Variants in SLC2A9 observed in about 807,000 individuals in gnomAD.
SLC2A9 encodes solute carrier family 2, facilitated glucose transporter member 9.
SLC2A9 carries 39 observed loss-of-function variants against 50.6 expected under a neutral mutation model. That is an observed-to-expected ratio of 0.77 (90% CI 0.60 to 1.01). SLC2A9 has a LOEUF of 1.01. Among genes scored for constraint, SLC2A9 ranks in the 50% least tolerant of loss-of-function variants. The pLI, the probability that SLC2A9 is intolerant of heterozygous loss-of-function variation, is 0.00. For missense variants in SLC2A9, 686 were observed against 677.6 expected (o/e 1.01, Z -0.14); for synonymous variants, 324 against 276.9 (o/e 1.17, Z -1.69).
At chr4:9,956,309 C>G (rs566097190) in intron 5 of SLC2A9, among the ~76,000 whole-genome samples, 3 of 144,642 alleles carry the variant, frequency 2.1e-5, no homozygotes, top group Non-Finnish European at 3.0e-5. Flanking sequence ...TGGTGAAACC[C>G]CATGTCTACT....
At chr4:9,997,203 G>A (rs553068846) in intron 2 of SLC2A9, among the ~76,000 whole-genome samples, 3 of 152,108 alleles carry the variant, frequency 2.0e-5, no homozygotes, top group Admixed American at 6.5e-5. Context: ...CTATCCCAAG[G>A]TACTTTTTTT....
chr4:10,013,959 T>C (rs759586716), intron 2 of SLC2A9, among the ~76,000 whole-genome samples: 3 of 152,128 alleles, frequency 2.0e-5, no homozygotes, highest in Non-Finnish European at 4.4e-5. Flanking sequence ...TTGTTCATCA[T>C]CTCTGTGAGC....
At chr4:9,836,878 A>G (rs1727198035) in intron 10 of SLC2A9, among the ~76,000 whole-genome samples, 1 of 152,186 alleles carries the variant, frequency 6.6e-6, no homozygotes, top group Non-Finnish European at 1.5e-5. Flanking sequence ...TTTGGAGACA[A>G]TTGCTCCATT....
chr4:9,937,870 C>T (rs779164605), intron 6 of SLC2A9, among the ~76,000 whole-genome samples: 1 of 152,144 alleles, frequency 6.6e-6, no homozygotes, highest in Non-Finnish European at 1.5e-5. Context: ...TCTGTTGCCC[C>T]TCCCTCAGCA....
chr4:10,011,841 C>G (rs577510477), intron 2 of SLC2A9, among the ~76,000 whole-genome samples: 40 of 152,202 alleles, frequency 2.6e-4, no homozygotes, highest in Non-Finnish European at 5.4e-4. Context: ...TATTTAGATG[C>G]TATGCAGCAT....
chr4:9,864,065 C>G (rs1048602420), intron 10 of SLC2A9, among the ~76,000 whole-genome samples: 12 of 152,016 alleles, frequency 7.9e-5, no homozygotes, highest in Admixed American at 5.2e-4. Flanking sequence ...TGTGGCTTCC[C>G]AAGACCATGC....
chr4:9,909,109 T>C (rs749038211), intron 7 of SLC2A9, among the ~76,000 whole-genome samples: 27 of 152,094 alleles, frequency 1.8e-4, no homozygotes, highest in Admixed American at 3.3e-4. Context: ...GCATACAAGG[T>C]GAAAGATGTT....
At chr4:10,003,107 T>C (rs528663494) in intron 2 of SLC2A9, among the ~76,000 whole-genome samples, 32 of 152,284 alleles carry the variant, frequency 2.1e-4, no homozygotes, top group Non-Finnish European at 3.2e-4. Flanking sequence ...GTAATGAGTA[T>C]CCAGGACTTC....
intron 11 of SLC2A9, 89 bp downstream of exon 11, chr4:9,834,788 GGAGA>G (rs1726748085): frequency 6.4e-7 from 1 of 1,572,054 alleles, no homozygotes; most frequent in African/African-American, 1.4e-5. Context: ...CCAGTTGAGA[GGAGA>G]GAGATCAACT....
At chr4:9,970,155 A>C (rs1428315213) in intron 5 of SLC2A9, among the ~76,000 whole-genome samples, 1 of 152,178 alleles carries the variant, frequency 6.6e-6, no homozygotes, top group African/African-American at 2.4e-5. Flanking sequence ...AATATAGGCC[A>C]TGGGGGATGG....
intron 3 of SLC2A9, among the ~76,000 whole-genome samples, chr4:9,804,893 AG>A (rs1168245825): frequency 6.6e-5 from 10 of 152,130 alleles, no homozygotes; most frequent in African/African-American, 2.4e-4. Flanking sequence ...TAGTTGGAAG[AG>A]CTGAGAGGGC....
chr4:9,778,509 G>A (rs192011897), downstream of SLC2A9, among the ~76,000 whole-genome samples: 44 of 152,184 alleles, frequency 2.9e-4, no homozygotes, highest in East Asian at 4.5e-3. Flanking sequence ...CCCCCAGATC[G>A]TAGTTCCCTC....
intron 5 of SLC2A9, among the ~76,000 whole-genome samples, chr4:9,947,146 T>C (rs1001221979): frequency 1.3e-5 from 2 of 152,168 alleles, no homozygotes; most frequent in African/African-American, 2.4e-5. Context: ...AGGCTGTACG[T>C]TGGGACTCTG....
In SLC2A9 at chr4:9,949,019, C is replaced by T. The variant is rs75113496; in HGVS notation, c.682-6974G>A. Among the ~76,000 whole-genome samples the T allele has an allele frequency of 5.7e-3, 866 of 152,296 alleles. 8 individuals are homozygous for T. The highest frequency in any genetic ancestry group is 0.019 in the African/African-American group (800 of 41,558). On this transcript the variant is annotated intron_variant, in intron 5 of 11. Coordinates refer to ENST00000264784, the MANE Select transcript of SLC2A9 (RefSeq NM_020041.3). ...TGTAAAATACAGCTTTAGCAAAGGA[C>T]GCTCCTAGGCCATTTTAGCAAGAAC...
intron 2 of SLC2A9, among the ~76,000 whole-genome samples, chr4:9,998,260 C>G (rs1759092045): frequency 1.3e-5 from 2 of 152,188 alleles, no homozygotes; most frequent in Admixed American, 6.5e-5. Flanking sequence ...GCCCGCAAAC[C>G]TCAGCTGAGC....
chr4:9,900,819 G>T (rs541118512), intron 8 of SLC2A9, among the ~76,000 whole-genome samples: 2 of 152,106 alleles, frequency 1.3e-5, no homozygotes, highest in Non-Finnish European at 2.9e-5. Context: ...GAAGGGGGAA[G>T]TCCCTTATAA....
At chr4:10,022,813 A>G (rs1469889756), upstream of SLC2A9, among the ~76,000 whole-genome samples, 1 of 152,186 alleles carries the variant, frequency 6.6e-6, no homozygotes, top group Non-Finnish European at 1.5e-5. Flanking sequence ...CGGTGGTGGG[A>G]ATGTGGCTGC....
At chr4:9,883,701 G>T (rs902391011) in intron 10 of SLC2A9, among the ~76,000 whole-genome samples, 2 of 152,122 alleles carry the variant, frequency 1.3e-5, no homozygotes, top group Non-Finnish European at 2.9e-5. Flanking sequence ...TCACTTTAAG[G>T]GTGCCCTGTG....
At chr4:9,995,243 C>T (rs1758440238) in intron 3 of SLC2A9, among the ~76,000 whole-genome samples, 1 of 152,162 alleles carries the variant, frequency 6.6e-6, no homozygotes, top group African/African-American at 2.4e-5. Flanking sequence ...TGGCATCTCT[C>T]ACTACATCAT....
Sources: allele counts gnomAD v4.1 joint callset (sites outside exome capture counted in the v4.1 genomes callset), GRCh38; gene constraint gnomAD v4.1.1; transcripts MANE v1.5; gene names NCBI Gene and HGNC (gene_info 2026-07-23, HGNC 2026-07-21).